Variants in ZNF423 observed in about 807,000 individuals in gnomAD.
The protein encoded by ZNF423 is Ebf-associated zinc finger protein.
In ZNF423, 12 loss-of-function variants were observed where a neutral mutation model predicts 95.8. That is an observed-to-expected ratio of 0.13 (90% confidence interval 0.08 to 0.20). The LOEUF (loss-of-function observed/expected upper bound fraction) is 0.20, where lower values mean the gene tolerates loss of function less well. Ranked by LOEUF, ZNF423 falls within the 10% of genes least tolerant of loss-of-function variation. The probability of loss-of-function intolerance (pLI) is 1.00; values close to 1 mark genes in which losing one functional copy is unlikely to be tolerated. For missense variants in ZNF423, 1,316 were observed against 1,737.1 expected (o/e 0.76, Z 4.31); for synonymous variants, 749 against 711.9 (o/e 1.05, Z -0.83).
intron 1 of ZNF423, chr16:49,854,681 G>A (rs1324116229): frequency 1.4e-5 from 14 of 985,310 alleles, no homozygotes; most frequent in Non-Finnish European, 1.6e-5. Context: ...GGCAAGGCCT[G>A]GAAAGGCCAG....
At chr16:49,595,496 A>AT (rs1370516736) in intron 5 of ZNF423, among the ~76,000 whole-genome samples, 9 of 152,268 alleles carry the variant, frequency 5.9e-5, no homozygotes, top group African/African-American at 1.9e-4. Flanking sequence ...TGCAACTCAT[A>AT]TTTAGCACTC....
At chr16:49,527,165 G>GGCGCACACACACACGT (rs1968644806) in intron 5 of ZNF423, among the ~76,000 whole-genome samples, 1 of 151,996 alleles carries the variant, frequency 6.6e-6, no homozygotes, top group South Asian at 2.1e-4. Context: ...CCACCGCAGA[G>GGCGCACACACACACGT]GCGCACACAC....
At chr16:49,610,224 G>C (rs943053021) in intron 5 of ZNF423, among the ~76,000 whole-genome samples, 3 of 152,194 alleles carry the variant, frequency 2.0e-5, no homozygotes, top group African/African-American at 7.2e-5. Flanking sequence ...GAAATGATTG[G>C]AACATTAGGT....
At chr16:49,835,034 G>T (rs1452746197) in intron 1 of ZNF423, among the ~76,000 whole-genome samples, 2 of 152,054 alleles carry the variant, frequency 1.3e-5, no homozygotes, top group East Asian at 1.9e-4. Flanking sequence ...GCCTTGGGGG[G>T]AGTCTCAGAA....
At chr16:49,646,271 G>A (rs949506573) in intron 3 of ZNF423, among the ~76,000 whole-genome samples, 3 of 152,204 alleles carry the variant, frequency 2.0e-5, no homozygotes, top group African/African-American at 7.2e-5. Context: ...GCCTAAGCAG[G>A]TGGCTTTCCA....
intron 2 of ZNF423, among the ~76,000 whole-genome samples, chr16:49,734,186 A>C (rs1460868116): frequency 3.3e-5 from 5 of 152,182 alleles, no homozygotes; most frequent in African/African-American, 1.2e-4. Flanking sequence ...TCGGTTGCTC[A>C]GTAAGTCCTG....
At chr16:49,618,594 GT>G (rs1971956739) in intron 5 of ZNF423, among the ~76,000 whole-genome samples, 1 of 152,076 alleles carries the variant, frequency 6.6e-6, no homozygotes, top group Non-Finnish European at 1.5e-5. Context: ...ATGATTGTAA[GT>G]TTCCTGAGGC....
intron 5 of ZNF423, among the ~76,000 whole-genome samples, chr16:49,530,597 A>G (rs1968804276): frequency 6.6e-6 from 1 of 152,200 alleles, no homozygotes; most frequent in African/African-American, 2.4e-5. Flanking sequence ...CACTTAGCAC[A>G]GAGTTTGCGG....
At chr16:49,567,937 C>G (rs756688034) in intron 5 of ZNF423, among the ~76,000 whole-genome samples, 1 of 152,190 alleles carries the variant, frequency 6.6e-6, no homozygotes, top group Non-Finnish European at 1.5e-5. Context: ...TTCCCGCCAG[C>G]ATCCATTCTC....
intron 3 of ZNF423, among the ~76,000 whole-genome samples, chr16:49,677,768 A>G (rs563451111): frequency 0.028 from 4,179 of 147,552 alleles, 147 homozygotes; most frequent in African/African-American, 0.088. Flanking sequence ...AAAAAAAAAA[A>G]AGAGAGAGAG....
intron 5 of ZNF423, among the ~76,000 whole-genome samples, chr16:49,536,231 G>T (rs1349040481): frequency 1.3e-5 from 2 of 152,060 alleles, no homozygotes; most frequent in Admixed American, 6.5e-5. Flanking sequence ...AAAACCCCCA[G>T]AGTTCAGCTT....
At chr16:49,587,823 A>G (rs1266930754) in intron 5 of ZNF423, among the ~76,000 whole-genome samples, 2 of 152,280 alleles carry the variant, frequency 1.3e-5, no homozygotes, top group East Asian at 3.9e-4. Context: ...CCTAAGAATT[A>G]TCTTTCACTG....
upstream of ZNF423, among the ~76,000 whole-genome samples, chr16:49,858,350 G>T (rs1242047352): frequency 1.3e-5 from 2 of 151,736 alleles, no homozygotes; most frequent in African/African-American, 2.4e-5. The surrounding 1 kb of genome is among the most constrained non-coding windows in gnomAD (Gnocchi z 4.3). Flanking sequence ...GGCCCTGCTC[G>T]CCAACCCCGT....
rs73580528 is a variant in ZNF423, at chr16:49,574,738, C to G, written c.3602-49244G>C. On this transcript the variant is annotated intron_variant, in intron 5 of 7. Transcript: ENST00000563137. ...GTCGTGCATCCCACCTCGCCCTGCC[C>G]TGCTCCCTCCTGCTTTCCCTCTCTC... Among the ~76,000 whole-genome samples the G allele has an allele frequency of 3.7e-3, 559 of 152,312 alleles. 7 individuals carry two copies. The highest frequency in any genetic ancestry group is 0.013 in the African/African-American group (541 of 41,560).
intron 4 of ZNF423, among the ~76,000 whole-genome samples, chr16:49,628,268 C>A (rs1287715740): frequency 6.6e-6 from 1 of 151,610 alleles, no homozygotes; most frequent in African/African-American, 2.4e-5. Context: ...ACCCATCCAT[C>A]TCCCTATCCA....
In ZNF423 at chr16:49,729,639, C is replaced by CTATTAT. The variant is rs34889282; in HGVS notation, c.301+1126_301+1131dup. On this transcript the variant is annotated intron_variant, in intron 3 of 7. Coordinates refer to ENST00000563137, the MANE Select transcript of ZNF423 (RefSeq NM_001379286.1). ...CAAAACTGTAAGATTCCTCTTAGGTCTATTATTATTATTATTATTATTATT... is the reference window on the plus strand; with the variant it reads ...CAAAACTGTAAGATTCCTCTTAGGTCTATTATTATTATTATTATTATTATTATTATT... Among the ~76,000 whole-genome samples, 268 of 138,940 alleles carry CTATTAT rather than the reference C, an allele frequency of 1.9e-3. 1 individual carries two copies. The highest frequency in any genetic ancestry group is 4.4e-3 in the East Asian group (21 of 4,740). 91.2% of individuals were successfully genotyped at this position (138,940 alleles called of 152,430 possible).
In ZNF423 at chr16:49,730,928, A is replaced by G. The variant is rs1158748807; in HGVS notation, c.144T>C (p.Arg48=). ...TCACGCTGTTCCTGTCTTCCAGCGCACGGCTGGTTTTCTGATCGCACTCTG... is the reference window on the plus strand; with the variant it reads ...TCACGCTGTTCCTGTCTTCCAGCGCGCGGCTGGTTTTCTGATCGCACTCTG... The part of the protein sequence containing the change: ...GEPECDQKTS[R]ALEDRNSVTS... Residue 48 remains arginine (R), a synonymous_variant, in exon 3 of 8, where the codon CGT becomes CGC. Coordinates refer to ENST00000563137, the MANE Select transcript of ZNF423 (RefSeq NM_001379286.1). 16 of 1,613,996 alleles carry G rather than the reference A, an allele frequency of 9.9e-6. No individual in the cohort carries two copies. Among genetic ancestry groups the G allele is most frequent in the African/African-American group, 1.3e-5 (1 of 74,900 alleles).
chr16:49,839,747 C>T lies in ZNF423; in HGVS notation c.40+15988G>A, dbSNP rs544177886. 6.6e-5 allele frequency among the ~76,000 whole-genome samples: 10 copies of T among 152,278 alleles called. No individual in the cohort carries two copies. The South Asian group carries it at 1.0e-3, about 16-fold the overall frequency. The stretch of plus-strand genomic sequence containing the variant: ...GCAGCCTGCACCTTCCCAGCCGGCT[C>T]GCCGCCCTCCCAGGGTGAAGAGACA... On this transcript the variant is annotated intron_variant, in intron 1 of 7. Transcript: ENST00000563137.
chr16:49,688,907 G>A (rs1409892128), intron 3 of ZNF423, among the ~76,000 whole-genome samples: 1 of 152,166 alleles, frequency 6.6e-6, no homozygotes, highest in Non-Finnish European at 1.5e-5. Flanking sequence ...CTCCACGGAA[G>A]CTCCTGGGCC....
Sources: gnomAD v4.1 joint callset for allele counts (sites outside exome capture counted in the v4.1 genomes callset) on GRCh38, gnomAD v4.1.1 for gene constraint, Gnocchi (gnomAD v3.1) non-coding constraint, MANE v1.5 for transcripts, NCBI Gene and HGNC (gene_info 2026-07-23, HGNC 2026-07-21) for gene names.